Variants in AXDND1 observed in about 807,000 individuals in gnomAD.
AXDND1 encodes axonemal dynein light chain domain containing 1, also known as axonemal dynein light chain domain-containing protein 1.
In AXDND1, 110 loss-of-function variants were observed where a neutral mutation model predicts 137.5. The ratio of observed to expected loss-of-function variants is 0.80; its 90% CI spans 0.69 to 0.94. The LOEUF is 0.94. AXDND1 is among the 40% of genes least tolerant of loss of function. AXDND1 has a pLI of 0.00. For synonymous variants in AXDND1, 414 were observed against 399.7 expected (o/e 1.04, Z -0.43); for missense variants, 1,191 against 1,169.8 (o/e 1.02, Z -0.26).
chr1:179,368,153 A>G (rs78863150), intron 2 of AXDND1, among the ~76,000 whole-genome samples: 1,804 of 152,260 alleles, frequency 0.012, 49 homozygotes, highest in Admixed American at 0.058. Context: ...GACTGACTTC[A>G]TAGGAGGGCT....
At chr1:179,516,720 C>T (rs1259721064) in intron 21 of AXDND1, among the ~76,000 whole-genome samples, 2 of 152,148 alleles carry the variant, frequency 1.3e-5, no homozygotes, top group Non-Finnish European at 2.9e-5. Context: ...TAATTGTTAT[C>T]TCTCTTCTTG....
At chr1:179,447,880 C>G in intron 16 of AXDND1, 1 of 1,348,764 alleles carries the variant, frequency 7.4e-7, no homozygotes, top group South Asian at 1.2e-5. Flanking sequence ...CTGAGGAGCT[C>G]CAGGGGACAC....
chr1:179,515,023 A>G (rs1424269862), intron 21 of AXDND1, among the ~76,000 whole-genome samples: 2 of 152,130 alleles, frequency 1.3e-5, no homozygotes, highest in African/African-American at 4.8e-5. Context: ...GCAGTTTTGT[A>G]TCTTTTAGGT....
intron 11 of AXDND1, among the ~76,000 whole-genome samples, chr1:179,400,091 G>T (rs1466678294): frequency 3.9e-5 from 6 of 152,118 alleles, no homozygotes; most frequent in Admixed American, 1.3e-4. Flanking sequence ...CAGAGGAAAA[G>T]AAGTCATTAT....
intron 11 of AXDND1, among the ~76,000 whole-genome samples, chr1:179,399,481 A>G (rs1181983844): frequency 2.5e-5 from 3 of 119,536 alleles, no homozygotes; most frequent in African/African-American, 6.2e-5. Context: ...AATTCTAGAC[A>G]TAACATTGGA....
At chr1:179,461,275 T>C (rs886115152) in intron 16 of AXDND1, among the ~76,000 whole-genome samples, 6 of 152,140 alleles carry the variant, frequency 3.9e-5, no homozygotes, top group East Asian at 3.9e-4. Context: ...ATATGGCTAG[T>C]CAGTTTTCCC....
chr1:179,438,584 G>C (rs1658551032), intron 15 of AXDND1, among the ~76,000 whole-genome samples: 1 of 152,220 alleles, frequency 6.6e-6, no homozygotes, highest in Admixed American at 6.5e-5. Flanking sequence ...CGATGAGTAA[G>C]CTGAGTTAGA....
chr1:179,522,947 T>C (rs1427550784), intron 21 of AXDND1, among the ~76,000 whole-genome samples: 1 of 151,274 alleles, frequency 6.6e-6, no homozygotes, highest in African/African-American at 2.4e-5. Flanking sequence ...TTGTGCATTT[T>C]CCTATTGTGG....
At chr1:179,501,468 T>C (rs1667991255) in intron 20 of AXDND1, among the ~76,000 whole-genome samples, 2 of 152,132 alleles carry the variant, frequency 1.3e-5, no homozygotes, top group African/African-American at 4.8e-5. Flanking sequence ...TCCCAGCACT[T>C]TGGGAGGCTG....
At chr1:179,421,033 ATCCCTTCCTTCCTTCC>A (rs1558152987) in intron 12 of AXDND1, among the ~76,000 whole-genome samples, 1 of 141,346 alleles carries the variant, frequency 7.1e-6, no homozygotes, top group African/African-American at 2.7e-5. Context: ...CTATTTGGGT[ATCCCTTCCTTCCTTCC>A]TTCCTTCCTT....
intron 12 of AXDND1, among the ~76,000 whole-genome samples, chr1:179,414,667 C>T (rs1469149591): frequency 2.6e-5 from 4 of 151,962 alleles, no homozygotes; most frequent in South Asian, 2.1e-4. Context: ...ACTCGTGATC[C>T]GCCCACCTCA....
intron 21 of AXDND1, among the ~76,000 whole-genome samples, chr1:179,513,108 G>A (rs1237580449): frequency 6.6e-6 from 1 of 152,126 alleles, no homozygotes; most frequent in African/African-American, 2.4e-5. Context: ...TTGAAGAGGA[G>A]TGGTGAGAGT....
intron 16 of AXDND1, chr1:179,457,275 C>A (rs1661550606): frequency 9.0e-6 from 6 of 668,706 alleles, no homozygotes; most frequent in Non-Finnish European, 1.3e-5. Context: ...TAAGCTCAAC[C>A]GTCCAAGGAA....
At chr1:179,546,400 A>G (rs1049609132) in intron 25 of AXDND1, 1 of 151,932 alleles carries the variant, frequency 6.6e-6, no homozygotes, top group African/African-American at 2.4e-5. Context: ...CTCCCAAGTA[A>G]CTGCTTTGTG....
chr1:179,497,791 T>C (rs1202124161), intron 20 of AXDND1, among the ~76,000 whole-genome samples: 1 of 152,130 alleles, frequency 6.6e-6, no homozygotes, highest in African/African-American at 2.4e-5. Context: ...CTCCTAGAAT[T>C]GATAAACAAC....
rs372688216 is a variant in AXDND1, at chr1:179,498,355, A to G, written c.2388+5404A>G. ...AACTTAGAAATATGGCTTCACACCT[A>G]CCAACCATCTGATCTTCAACAATGC... is the stretch of plus-strand genomic sequence containing the variant. On this transcript the variant is annotated intron_variant, in intron 20 of 25. Transcript: ENST00000367618. 1.2e-4 allele frequency among the ~76,000 whole-genome samples: 18 copies of G among 152,206 alleles called. No individual in the cohort carries two copies. In the South Asian group the frequency reaches 3.3e-3, roughly 28 times the overall value.
chr1:179,401,258 C>CAAAAAA (rs201354000), intron 11 of AXDND1, among the ~76,000 whole-genome samples: 29 of 83,626 alleles, frequency 3.5e-4, no homozygotes, highest in East Asian at 2.7e-3. Flanking sequence ...AACTCCATCT[C>CAAAAAA]AAAAAAAAAA....
chr1:179,536,839 C>T (rs770413510), intron 25 of AXDND1, among the ~76,000 whole-genome samples: 68 of 152,194 alleles, frequency 4.5e-4, no homozygotes, highest in Non-Finnish European at 1.3e-4. Flanking sequence ...TCTTCCTATC[C>T]ATGAGCATGG....
At chr1:179,412,494 T>C (rs1364540554) in intron 12 of AXDND1, among the ~76,000 whole-genome samples, 1 of 152,154 alleles carries the variant, frequency 6.6e-6, no homozygotes, top group African/African-American at 2.4e-5. Context: ...TTGTCAGTTA[T>C]TTGGAAGAAA....
Sources: allele counts gnomAD v4.1 joint callset (sites outside exome capture counted in the v4.1 genomes callset), GRCh38; gene constraint gnomAD v4.1.1; transcripts MANE v1.5; gene names NCBI Gene and HGNC (gene_info 2026-07-23, HGNC 2026-07-21).